Variants in PDXP observed in about 807,000 individuals in gnomAD.
The protein encoded by PDXP is pyridoxal phosphatase, also known as chronophin.
In PDXP, 15 loss-of-function variants were observed where a neutral mutation model predicts 14.4. The observed-to-expected ratio is 1.04, with a 90% CI of 0.70 to 1.60. The LOEUF (loss-of-function observed/expected upper bound fraction) is 1.60, where lower values mean the gene tolerates loss of function less well. Among genes scored for constraint, PDXP ranks in the 40% most tolerant of loss-of-function variants. PDXP has a pLI of 0.00. For synonymous variants in PDXP, 233 were observed against 205.6 expected (o/e 1.13, Z -1.14); for missense variants, 413 against 427.6 (o/e 0.97, Z 0.30).
At position 37,659,608 on chromosome 22, in the gene PDXP, G is replaced by A. The variant is rs566053357; in HGVS notation, c.574+252G>A. ...CCCTTTGTAACTTAGGGAGTTGGGC[G>A]GAATTCTGCCCTACCCACCATCGGG... On this transcript the variant is annotated intron_variant, in intron 1 of 1. Coordinates refer to ENST00000215904, the MANE Select transcript of PDXP (RefSeq NM_020315.5). Among the ~76,000 whole-genome samples, 4 of 152,260 alleles carry A rather than the reference G, an allele frequency of 2.6e-5. No individual in the cohort carries two copies. The South Asian group carries it at 8.3e-4, about 32-fold the overall frequency.
chr22:37,661,138 C>G (rs1933193931), intron 1 of PDXP, among the ~76,000 whole-genome samples: 1 of 152,130 alleles, frequency 6.6e-6, no homozygotes, highest in South Asian at 2.1e-4. Flanking sequence ...TGTCAAGGAG[C>G]TAGGGAGAAA....
At position 37,666,262 on chromosome 22, in the gene PDXP, G is replaced by A. The variant is rs557173398; in HGVS notation, c.*391G>A. The stretch of plus-strand genomic sequence containing the variant: ...CTGCCCCTCAGGTCCTGGCCCTTGG[G>A]TCCTTGTCAACCAGAGGTCTAGGGA... On this transcript the variant is annotated 3_prime_UTR_variant, in exon 2 of 2. Transcript: ENST00000215904. 3 of 279,952 alleles carry A rather than the reference G, an allele frequency of 1.1e-5. No individual in the cohort carries two copies. The highest frequency in any genetic ancestry group is 2.2e-5 in the Non-Finnish European group (3 of 137,442). 17.3% of individuals were successfully genotyped at this position (279,952 alleles called of 1,614,324 possible). A position where few individuals can be genotyped will look rare whatever the true frequency, so the allele number is the denominator to read the frequency against.
chr22:37,665,244 C>T lies in PDXP; in HGVS notation c.575-311C>T, dbSNP rs1033196912. ...GACCGAGCCAGGCCCTGTTTACCTG[C>T]AGTAGCTCCACGCATCCTCACAGTA... On this transcript the variant is annotated intron_variant, in intron 1 of 1. Transcript: ENST00000215904. The T allele has an allele frequency of 6.8e-6, 3 of 443,448 alleles. No homozygotes were observed. The Admixed American group carries it at 1.2e-4, about 17-fold the overall frequency. 27.5% of individuals were successfully genotyped at this position (443,448 alleles called of 1,614,324 possible). A position where few individuals can be genotyped will look rare whatever the true frequency, so the allele number is the denominator to read the frequency against.
chr22:37,665,671 G>A lies in PDXP; in HGVS notation c.691G>A (p.Ala231Thr), dbSNP rs745419881. Residue 231 changes from alanine to threonine, a missense_variant, in exon 2 of 2, where the codon GCA (alanine) becomes ACA (threonine). Transcript: ENST00000215904. Reference sequence around the variant, plus strand: ...CACGGAGAACTTCAGCATCGACCCCGCACGCACGCTTATGGTGGGTGACCG... The same window carrying A: ...CACGGAGAACTTCAGCATCGACCCCACACGCACGCTTATGGTGGGTGACCG... ...CITENFSIDPARTLMVGDRLE... is the reference protein window; with the variant it reads ...CITENFSIDPTRTLMVGDRLE... 9.3e-6 allele frequency: 15 copies of A among 1,613,956 alleles called. No homozygotes were observed. In the African/African-American group the frequency reaches 9.3e-5, roughly 10 times the overall value.
Position 37,659,231 on chromosome 22 carries a change from A to T in PDXP, c.449A>T (p.Tyr150Phe). The change falls in exon 1 of 2, where the codon TAC (tyrosine) becomes TTC (phenylalanine). Residue 150 changes from tyrosine to phenylalanine, a missense_variant. Tyr to Phe is a conservative substitution (Grantham distance 22). Coordinates refer to ENST00000215904, the MANE Select transcript of PDXP (RefSeq NM_020315.5). ...APRVRAVLVG[Y>F]DEHFSFAKLR... is the part of the protein sequence containing the mutation. ...CGCGTGCGCGCCGTGCTTGTGGGCT[A>T]CGACGAGCACTTCTCCTTCGCCAAG... is the stretch of plus-strand genomic sequence containing the variant. 1 of 1,317,394 alleles carries T rather than the reference A, an allele frequency of 7.6e-7. No individual in the cohort carries two copies. Among genetic ancestry groups the T allele is most frequent in the Non-Finnish European group, 9.7e-7 (1 of 1,028,872 alleles). 81.6% of individuals were successfully genotyped at this position (1,317,394 alleles called of 1,614,324 possible).
intron 1 of PDXP, 56 bp from the exon 2 acceptor site, chr22:37,665,499 G>C: frequency 7.1e-7 from 1 of 1,406,138 alleles, no homozygotes; most frequent in Non-Finnish European, 9.6e-7. Context: ...TCCAGTTTCA[G>C]GGCCTGACGC....
rs1555890240 is a variant in PDXP, at chr22:37,663,319, A to AAAAAT, written c.575-2235_575-2234insAAATA. ...ACTCCGTCTCAAAAAAAAAAAAAAA[A>AAAAAT]ATCATATAGTTGTAAGTTTGTAAGC... On this transcript the variant is annotated intron_variant, in intron 1 of 1. Transcript: ENST00000215904. 4.0e-5 allele frequency among the ~76,000 whole-genome samples: 6 copies of AAAAAT among 151,316 alleles called. 1 individual carries two copies. Among genetic ancestry groups the AAAAAT allele is most frequent in the African/African-American group, 1.2e-4 (5 of 40,980 alleles).
chr22:37,661,943 T>A (rs1601596075), intron 1 of PDXP, among the ~76,000 whole-genome samples: 1 of 45,280 alleles, frequency 2.2e-5, no homozygotes, highest in African/African-American at 7.0e-5. Context: ...TTTTTTTTTT[T>A]TTTTTTTTTT....
In PDXP at chr22:37,666,911, A is replaced by G. The variant is rs1921103457; in HGVS notation, c.*1040A>G. ...GTTGTGACCTGTCCTTCCGTACTTA[A>G]TAAAGTGCGCGTGGGAGTGTTCACC... On this transcript the variant is annotated 3_prime_UTR_variant, in exon 2 of 2. Transcript: ENST00000215904. 1 of 167,196 alleles carries G rather than the reference A, an allele frequency of 6.0e-6. No homozygotes were observed. The highest frequency in any genetic ancestry group is 1.9e-4 in the East Asian group (1 of 5,190). The allele number at this position is 167,196 out of a possible 1,614,324, so 10.4% of individuals were successfully genotyped here.
rs11335821 is a variant in PDXP, at chr22:37,663,919, CTTTTTTTTTTT to C, written c.575-1620_575-1610del. Among the ~76,000 whole-genome samples the C allele has an allele frequency of 3.9e-3, 386 of 98,292 alleles. 5 individuals are homozygous for C. The highest frequency in any genetic ancestry group is 0.014 in the African/African-American group (310 of 22,488). 64.5% of individuals were successfully genotyped at this position (98,292 alleles called of 152,430 possible). ...TGCAGCTGTGCCTGGAATACGTTGA[CTTTTTTTTTTT>C]TTTTTTTTTTTTTTTGAGCCAGAGC... On this transcript the variant is annotated intron_variant, in intron 1 of 1. Transcript: ENST00000215904.
intron 1 of PDXP, 147 bp downstream of exon 1, chr22:37,659,503 G>C (rs1039102735): frequency 2.7e-5 from 14 of 511,256 alleles, no homozygotes; most frequent in Middle Eastern, 5.5e-4. Flanking sequence ...GCTTTGGTGT[G>C]GGGGGCGGTT....
Position 37,658,867 on chromosome 22 carries a change from G to T in PDXP, c.85G>T (p.Val29Leu). Residue 29 changes from valine to leucine, a missense_variant, in exon 1 of 2, where the codon GTG (valine) becomes TTG (leucine). By Grantham distance (32) the Val-to-Leu change is conservative (BLOSUM62 1). Transcript: ENST00000215904. ...AQGVLFDCDGVLWNGERAVPG... is the reference protein window; with the variant it reads ...AQGVLFDCDGLLWNGERAVPG... ...GGGGGTCCTGTTCGACTGTGACGGG[G>T]TGCTGTGGAACGGCGAGCGCGCCGT... The T allele has an allele frequency of 8.2e-7, 1 of 1,221,300 alleles. No individual in the cohort carries two copies. Among genetic ancestry groups the T allele is most frequent in the Non-Finnish European group, 1.0e-6 (1 of 979,446 alleles). The allele number at this position is 1,221,300 out of a possible 1,614,324, so 75.7% of individuals were successfully genotyped here.
At chr22:37,661,920 T>TTTTTA (rs1933214417) in intron 1 of PDXP, among the ~76,000 whole-genome samples, 1 of 11,228 alleles carries the variant, frequency 8.9e-5, no homozygotes, top group African/African-American at 5.3e-4. Context: ...TTCTTTAATT[T>TTTTTA]TTTTTTTTTT....
Position 37,666,568 on chromosome 22 carries a change from A to G in PDXP, c.*697A>G, listed in dbSNP as rs1415050864. 1 of 167,282 alleles carries G rather than the reference A, an allele frequency of 6.0e-6. No individual in the cohort carries two copies. Among genetic ancestry groups the G allele is most frequent in the African/African-American group, 2.4e-5 (1 of 41,418 alleles). The allele number at this position is 167,282 out of a possible 1,614,324, so 10.4% of individuals were successfully genotyped here. A position where few individuals can be genotyped will look rare whatever the true frequency, so the allele number is the denominator to read the frequency against. ...GCCTGAGAGACAGTGGCCCCTTGAT[A>G]ATCTGGGTCTCACGGGACCAGCTAG... On this transcript the variant is annotated 3_prime_UTR_variant, in exon 2 of 2. Coordinates refer to ENST00000215904, the MANE Select transcript of PDXP (RefSeq NM_020315.5).
intron 1 of PDXP, 22 bp from the exon 2 acceptor site, chr22:37,665,533 C>T (rs1229500150): frequency 2.5e-6 from 4 of 1,575,292 alleles, no homozygotes; most frequent in Non-Finnish European, 3.4e-6. Context: ...CTCCTGCTGA[C>T]TGCGTCTCCA....
chr22:37,664,014 T>C (rs1197979225), intron 1 of PDXP, among the ~76,000 whole-genome samples: 1 of 136,772 alleles, frequency 7.3e-6, no homozygotes, highest in Non-Finnish European at 1.5e-5. Flanking sequence ...CACCGCAGCC[T>C]CCGCCTCCCG....
Position 37,665,955 on chromosome 22 carries a change from A to G in PDXP, c.*84A>G. The G allele has an allele frequency of 7.3e-7, 1 of 1,377,282 alleles. No homozygotes were observed. 85.3% of individuals were successfully genotyped at this position (1,377,282 alleles called of 1,614,324 possible). ...AGGCGATGGGTCACGAGCCATGTTA[A>G]GCACAACCGGCTCCTTGGTCCAGTT... On this transcript the variant is annotated 3_prime_UTR_variant, in exon 2 of 2. Coordinates refer to ENST00000215904, the MANE Select transcript of PDXP (RefSeq NM_020315.5).
chr22:37,665,851 A>AC lies in PDXP; in HGVS notation c.872dup (p.Glu292ArgfsTer99). ...CTATGTGGAGAGCATCGCAGACTTG[A>AC]CAGAGGGGTTGGAGGACTGAGCCCA... On this transcript the variant is annotated frameshift_variant, in exon 2 of 2. Coordinates refer to ENST00000215904, the MANE Select transcript of PDXP (RefSeq NM_020315.5). LOFTEE classifies it high-confidence loss of function. The AC allele has an allele frequency of 6.2e-7, 1 of 1,613,554 alleles. No individual in the cohort carries two copies. The highest frequency in any genetic ancestry group is 8.5e-7 in the Non-Finnish European group (1 of 1,179,774).
rs150957603 is a variant in PDXP at position 37,659,473 on chromosome 22, G to A, written c.574+117G>A. The A allele has an allele frequency of 2.5e-4, 188 of 746,538 alleles. No homozygotes were observed. The African/African-American group carries it at 2.8e-3, about 11-fold the overall frequency. 46.2% of individuals were successfully genotyped at this position (746,538 alleles called of 1,614,324 possible). On this transcript the variant is annotated intron_variant, in intron 1 of 1. Coordinates refer to ENST00000215904, the MANE Select transcript of PDXP (RefSeq NM_020315.5). ...CAGGTGGCAGGTGGGGAACAGGAGA[G>A]TGCGAGGGAGGCCCAGGGTGCTTTG...
Sources: allele counts gnomAD v4.1 joint callset (sites outside exome capture counted in the v4.1 genomes callset), GRCh38; gene constraint gnomAD v4.1.1; transcripts MANE v1.5; gene names NCBI Gene and HGNC (gene_info 2026-07-23, HGNC 2026-07-21).